The following HORMAD2 variants were observed in gnomAD, a reference collection of about 807,000 sequenced individuals.
HORMAD2 encodes the protein HORMA domain-containing protein 2.
A neutral mutation model predicts 38.8 loss-of-function variants in HORMAD2; 45 were observed. The ratio of observed to expected loss-of-function variants is 1.16; its 90% CI spans 0.91 to 1.49. The LOEUF is 1.49. HORMAD2 is among the 40% of genes most tolerant of loss of function. HORMAD2 has a pLI of 0.00. For missense variants in HORMAD2, 338 were observed against 367.0 expected (o/e 0.92, Z 0.65); for synonymous variants, 126 against 122.8 (o/e 1.03, Z -0.17).
At chr22:30,182,375 A>T in the HORMAD2 span, among the ~76,000 whole-genome samples, 1 of 152,218 alleles carries the variant, frequency 6.6e-6, no homozygotes, top group African/African-American at 2.4e-5. Flanking sequence ...ACAGCTTTTT[A>T]CGTCTTTTCA....
chr22:30,200,936 G>C, the HORMAD2 span, among the ~76,000 whole-genome samples: 1 of 151,892 alleles, frequency 6.6e-6, no homozygotes, highest in East Asian at 1.9e-4. Context: ...TTTTAGTAGA[G>C]ACAAGGTTTC....
chr22:30,113,465 C>T (rs1225072644), intron 7 of HORMAD2, among the ~76,000 whole-genome samples: 1 of 152,046 alleles, frequency 6.6e-6, no homozygotes, highest in African/African-American at 2.4e-5. Flanking sequence ...TCTTGAACTC[C>T]TAACCTCAGT....
intron 7 of HORMAD2, among the ~76,000 whole-genome samples, chr22:30,115,798 T>C (rs1921996696): frequency 6.6e-6 from 1 of 152,170 alleles, no homozygotes; most frequent in African/African-American, 2.4e-5. Context: ...AAGTGGAGAA[T>C]GAAGAAGGAG....
intron 10 of HORMAD2, among the ~76,000 whole-genome samples, chr22:30,152,389 G>C (rs1263918224): frequency 6.6e-6 from 1 of 151,874 alleles, no homozygotes; most frequent in Non-Finnish European, 1.5e-5. Context: ...ATAGCATCTT[G>C]CTTTATTGCT....
At chr22:30,131,449 C>T (rs1569103417) in intron 10 of HORMAD2, among the ~76,000 whole-genome samples, 1 of 152,124 alleles carries the variant, frequency 6.6e-6, no homozygotes, top group Non-Finnish European at 1.5e-5. Flanking sequence ...CTCTACAAGG[C>T]TTTTTTCTAG....
At chr22:30,087,953 C>T (rs1485566284) in intron 1 of HORMAD2, among the ~76,000 whole-genome samples, 1 of 151,748 alleles carries the variant, frequency 6.6e-6, no homozygotes, top group Non-Finnish European at 1.5e-5. Context: ...GATTATACTG[C>T]TGGTTATTTC....
the HORMAD2 span, among the ~76,000 whole-genome samples, chr22:30,186,912 G>T: frequency 3.3e-5 from 5 of 151,256 alleles, no homozygotes; most frequent in African/African-American, 1.2e-4. Context: ...GGTTGGGGGT[G>T]GGGGGGTCAT....
In HORMAD2 at chr22:30,099,001, T is replaced by C; in HGVS notation, c.193+8T>C. ...GAGAACGCCATTTGGATGGTAAAGT[T>C]AAACTAACTAGTCTCTTTGGCTGTT... On this transcript the variant is annotated splice_region_variant and intron_variant, in intron 3 of 10. Coordinates refer to ENST00000336726, the MANE Select transcript of HORMAD2 (RefSeq NM_152510.4). The C allele has an allele frequency of 6.2e-7, 1 of 1,604,428 alleles. No individual in the cohort carries two copies. Among genetic ancestry groups the C allele is most frequent in the South Asian group, 1.1e-5 (1 of 89,442 alleles).
intron 10 of HORMAD2, among the ~76,000 whole-genome samples, chr22:30,147,143 ATCAAAACT>A (rs1051866140): frequency 1.3e-5 from 2 of 152,186 alleles, no homozygotes; most frequent in African/African-American, 4.8e-5. Context: ...TGCAATCCCA[ATCAAAACT>A]TTACAGCCTT....
chr22:30,088,098 C>CACACATGT (rs2068608055), intron 1 of HORMAD2, among the ~76,000 whole-genome samples: 2 of 142,512 alleles, frequency 1.4e-5, no homozygotes, highest in Non-Finnish European at 3.2e-5. Flanking sequence ...TATACACACA[C>CACACATGT]GTACACACGT....
At chr22:30,204,812 A>G in the HORMAD2 span, among the ~76,000 whole-genome samples, 1 of 152,218 alleles carries the variant, frequency 6.6e-6, no homozygotes, top group Non-Finnish European at 1.5e-5. Flanking sequence ...ACAGAACCTG[A>G]AAGAGCTCCC....
At chr22:30,087,310 C>T (rs903303458) in intron 1 of HORMAD2, among the ~76,000 whole-genome samples, 1 of 152,184 alleles carries the variant, frequency 6.6e-6, no homozygotes, top group Non-Finnish European at 1.5e-5. Flanking sequence ...AAATAATTCA[C>T]ATTCAAATGT....
chr22:30,155,407 C>A, intron 10 of HORMAD2, among the ~76,000 whole-genome samples: 1 of 152,070 alleles, frequency 6.6e-6, no homozygotes, highest in East Asian at 1.9e-4. Context: ...TTTTGATGCT[C>A]ATATTCTCTA....
the HORMAD2 span, among the ~76,000 whole-genome samples, chr22:30,183,217 G>A: frequency 6.6e-6 from 1 of 152,234 alleles, no homozygotes; most frequent in Non-Finnish European, 1.5e-5. Flanking sequence ...GATGTAAGGC[G>A]ATTAGAGCCT....
At chr22:30,090,344 CAGA>C (rs1248060455) in intron 1 of HORMAD2, among the ~76,000 whole-genome samples, 1 of 152,174 alleles carries the variant, frequency 6.6e-6, no homozygotes, top group Non-Finnish European at 1.5e-5. Context: ...CTGTGGGTGA[CAGA>C]AGGAGACCCC....
chr22:30,162,510 A>T (rs34420020), intron 10 of HORMAD2, among the ~76,000 whole-genome samples: 1 of 152,068 alleles, frequency 6.6e-6, no homozygotes, highest in Admixed American at 6.5e-5. Flanking sequence ...TAATATTCAC[A>T]TATTAAAATG....
the HORMAD2 span, among the ~76,000 whole-genome samples, chr22:30,206,352 G>T: frequency 6.6e-6 from 1 of 152,174 alleles, no homozygotes; most frequent in Non-Finnish European, 1.5e-5. Context: ...TAGAGATGGG[G>T]TTTCACCATG....
intron 5 of HORMAD2, chr22:30,105,116 C>T (rs16988291): frequency 0.074 from 12,318 of 165,616 alleles, 555 homozygotes; most frequent in African/African-American, 0.092. Flanking sequence ...AGCGGCTTTC[C>T]TCATGGTGGC....
At chr22:30,161,725 A>G (rs1397527541) in intron 10 of HORMAD2, among the ~76,000 whole-genome samples, 1 of 152,080 alleles carries the variant, frequency 6.6e-6, no homozygotes, top group South Asian at 2.1e-4. Context: ...ATTTTTTTAA[A>G]TGTTCTTTTT....
Sources: gnomAD v4.1 joint callset for allele counts (sites outside exome capture counted in the v4.1 genomes callset) on GRCh38, gnomAD v4.1.1 for gene constraint, MANE v1.5 for transcripts, NCBI Gene and HGNC (gene_info 2026-07-23, HGNC 2026-07-21) for gene names.